The following TNR variants were observed in gnomAD, a reference collection of about 807,000 sequenced individuals.
TNR encodes the protein tenascin R, also known as tenascin-R.
Under a neutral mutation model 150.4 loss-of-function variants are expected in TNR, and 45 were observed. The ratio of observed to expected loss-of-function variants is 0.30; its 90% confidence interval spans 0.24 to 0.38. The LOEUF (loss-of-function observed/expected upper bound fraction) is 0.38, where lower values mean the gene tolerates loss of function less well. Ranked by LOEUF, TNR falls within the 10% of genes least tolerant of loss-of-function variation. The pLI, the probability that TNR is intolerant of heterozygous loss-of-function variation, is 1.00. For missense variants in TNR, 1,544 were observed against 1,759.1 expected, an observed-to-expected ratio of 0.88 and a Z score of 2.19; for synonymous variants, 687 against 678.4, an observed-to-expected ratio of 1.01 and a Z score of -0.20.
intron 2 of TNR, among the ~76,000 whole-genome samples, chr1:175,427,269 A>T (rs1006746457): frequency 6.6e-6 from 1 of 152,010 alleles, no homozygotes; most frequent in African/African-American, 2.4e-5. Flanking sequence ...AGTGTGAGCC[A>T]TGTATGTAAT....
chr1:175,424,072 T>C (rs186610756), intron 2 of TNR, among the ~76,000 whole-genome samples: 3 of 152,362 alleles, frequency 2.0e-5, no homozygotes, highest in Admixed American at 1.3e-4. Flanking sequence ...ACAGAAAGAT[T>C]GTATTTTTAA....
chr1:175,608,837 T>C (rs936899219), intron 1 of TNR, among the ~76,000 whole-genome samples: 2 of 152,126 alleles, frequency 1.3e-5, no homozygotes, highest in African/African-American at 2.4e-5. Context: ...TGTGGGAGTA[T>C]CAAAAATTAG....
intron 1 of TNR, among the ~76,000 whole-genome samples, chr1:175,693,966 T>C (rs1463484715): frequency 6.6e-6 from 1 of 152,220 alleles, no homozygotes; most frequent in Non-Finnish European, 1.5e-5. Flanking sequence ...AAATTCAGTA[T>C]ATGTAAAAAG....
At chr1:175,688,797 A>G (rs181306204) in intron 1 of TNR, among the ~76,000 whole-genome samples, 3 of 152,346 alleles carry the variant, frequency 2.0e-5, no homozygotes, top group Non-Finnish European at 4.4e-5. Context: ...CCCATGAGCC[A>G]GTTCTCTGTA....
intron 1 of TNR, among the ~76,000 whole-genome samples, chr1:175,536,146 G>A (rs1159384514): frequency 6.6e-6 from 1 of 152,078 alleles, no homozygotes; most frequent in Non-Finnish European, 1.5e-5. Flanking sequence ...TATTTTGATA[G>A]CAATATTTCA....
intron 1 of TNR, among the ~76,000 whole-genome samples, chr1:175,676,959 G>A (rs567963929): frequency 4.9e-4 from 74 of 152,324 alleles, no homozygotes; most frequent in African/African-American, 1.4e-3. Context: ...CCATTTTCCA[G>A]GTGAGAGGAC....
At position 175,385,922 on chromosome 1, in the gene TNR, C is replaced by G. The variant is rs551139477; in HGVS notation, c.1777+110G>C. On this transcript the variant is annotated intron_variant, in intron 8 of 22. Coordinates refer to ENST00000367674, the MANE Select transcript of TNR (RefSeq NM_003285.3). ...CGCGGTGTCTATGACAAGGCCAATGCTCTGACACACCTTGCCTCATTCCTA... is the reference window on the plus strand; with the variant it reads ...CGCGGTGTCTATGACAAGGCCAATGGTCTGACACACCTTGCCTCATTCCTA... The G allele has an allele frequency of 4.6e-6, 6 of 1,305,020 alleles. No individual in the cohort carries two copies. The East Asian group carries it at 1.5e-4, about 32-fold the overall frequency. The allele number at this position is 1,305,020 out of a possible 1,614,324, so 80.8% of individuals were successfully genotyped here.
intron 1 of TNR, among the ~76,000 whole-genome samples, chr1:175,704,444 A>G (rs942856112): frequency 5.3e-5 from 8 of 152,158 alleles, no homozygotes; most frequent in Admixed American, 3.9e-4. Context: ...CTGCCTAGAG[A>G]AGGATAGTCT....
At chr1:175,363,908 C>G in intron 12 of TNR, 81 bp from the exon 13 acceptor site, 2 of 1,508,242 alleles carry the variant, frequency 1.3e-6, no homozygotes, top group Non-Finnish European at 1.8e-6. Flanking sequence ...TTTATGTTGA[C>G]CAAAAGCCAA....
intron 1 of TNR, among the ~76,000 whole-genome samples, chr1:175,657,850 C>CATGT (rs1206729555): frequency 3.1e-5 from 2 of 65,144 alleles, no homozygotes; most frequent in Non-Finnish European, 5.6e-5. Context: ...CAACATGGAA[C>CATGT]ATGTATATAT....
intron 2 of TNR, among the ~76,000 whole-genome samples, chr1:175,485,511 G>A (rs534244534): frequency 6.6e-6 from 1 of 152,128 alleles, no homozygotes. Context: ...TCCAATTTCA[G>A]GGTCCTCAAA....
At chr1:175,610,523 A>C (rs997880486) in intron 1 of TNR, among the ~76,000 whole-genome samples, 1 of 152,190 alleles carries the variant, frequency 6.6e-6, no homozygotes. Context: ...CTCCCCTTTA[A>C]CAGCCCCTCC....
At chr1:175,486,200 G>A (rs1429269643) in intron 2 of TNR, among the ~76,000 whole-genome samples, 1 of 151,442 alleles carries the variant, frequency 6.6e-6, no homozygotes, top group Non-Finnish European at 1.5e-5. Flanking sequence ...CGGTATACAC[G>A]TGGCATGGTG....
At chr1:175,735,841 C>G (rs1667755868) in intron 1 of TNR, among the ~76,000 whole-genome samples, 1 of 152,146 alleles carries the variant, frequency 6.6e-6, no homozygotes, top group Non-Finnish European at 1.5e-5. Context: ...CTCGGAAACC[C>G]TCCTTAAGGC....
chr1:175,337,304 C>G (rs1650296661), intron 19 of TNR, among the ~76,000 whole-genome samples: 1 of 152,234 alleles, frequency 6.6e-6, no homozygotes. Context: ...CTTTCCTCCT[C>G]CTTCTGTGAG....
intron 18 of TNR, among the ~76,000 whole-genome samples, chr1:175,340,854 C>A (rs911617902): frequency 6.6e-6 from 1 of 152,154 alleles, no homozygotes; most frequent in Non-Finnish European, 1.5e-5. Flanking sequence ...GAATGTCTGT[C>A]TCTCTCTCCC....
intron 1 of TNR, among the ~76,000 whole-genome samples, chr1:175,716,771 T>A (rs1329721630): frequency 6.6e-6 from 1 of 152,200 alleles, no homozygotes; most frequent in Non-Finnish European, 1.5e-5. Flanking sequence ...CCTGCTCAGG[T>A]GACTCTAATA....
chr1:175,421,771 AT>A (rs796916779), intron 2 of TNR, among the ~76,000 whole-genome samples: 1 of 152,290 alleles, frequency 6.6e-6, no homozygotes, highest in South Asian at 2.1e-4. Flanking sequence ...GCTGCATTTG[AT>A]TAGGAAGGGA....
intron 2 of TNR, among the ~76,000 whole-genome samples, chr1:175,464,158 A>C (rs534567932): frequency 1.1e-4 from 16 of 152,364 alleles, no homozygotes; most frequent in South Asian, 8.3e-4. Flanking sequence ...TTGAACTGAA[A>C]GGGGAATAAT....
Sources: allele counts gnomAD v4.1 joint callset (sites outside exome capture counted in the v4.1 genomes callset), GRCh38; gene constraint gnomAD v4.1.1; transcripts MANE v1.5; gene names NCBI Gene and HGNC (gene_info 2026-07-23, HGNC 2026-07-21).